The following TCIRG1 variants were observed in gnomAD, a reference collection of about 807,000 sequenced individuals.
The protein encoded by TCIRG1 is V-type proton ATPase 116 kDa subunit a 3.
TCIRG1 carries 86 observed loss-of-function variants against 95.5 expected under a neutral mutation model. That is an observed-to-expected ratio of 0.90 (90% CI 0.76 to 1.08). The LOEUF is 1.08. TCIRG1 is among the 50% of genes least tolerant of loss of function. The pLI is 0.00. For missense variants in TCIRG1, 1,069 were observed against 1,140.2 expected, an observed-to-expected ratio of 0.94 and a Z score of 0.90; for synonymous variants, 499 against 501.3, an observed-to-expected ratio of 1.00 and a Z score of 0.06.
chr11:68,051,067 A>G (rs1855780337), downstream of TCIRG1: 6 of 575,356 alleles, frequency 1.0e-5, no homozygotes, highest in South Asian at 1.2e-4. Context: ...AGATGTTTCC[A>G]GCACATTCTA....
At chr11:68,041,020 CAG>C (rs1400782929) in intron 1 of TCIRG1, among the ~76,000 whole-genome samples, 4 of 152,146 alleles carry the variant, frequency 2.6e-5, no homozygotes, top group African/African-American at 9.7e-5. Context: ...TCCCCATGGG[CAG>C]AGCAAGCCAG....
Position 68,041,263 on chromosome 11 carries a change from C to T in TCIRG1, c.-4-5C>T. ...TGACTGGCCCCCATCCGTGTCCACC[C>T]ACAGGACCATGGGCTCCATGTTCCG... On this transcript the variant is annotated splice_polypyrimidine_tract_variant and splice_region_variant and intron_variant, in intron 1 of 19. Coordinates refer to ENST00000265686, the MANE Select transcript of TCIRG1 (RefSeq NM_006019.4). 1 of 1,606,640 alleles carries T rather than the reference C, an allele frequency of 6.2e-7. No homozygotes were observed. Among genetic ancestry groups the T allele is most frequent in the South Asian group, 1.1e-5 (1 of 90,930 alleles).
rs139720520 is a variant in TCIRG1 at position 68,050,887 on chromosome 11, G to A, written c.*68G>A. 11,006 of 1,540,868 alleles carry A rather than the reference G, an allele frequency of 7.1e-3. 59 individuals carry two copies. Among genetic ancestry groups the A allele is most frequent in the Non-Finnish European group, 8.5e-3 (9,548 of 1,125,228 alleles). ...GGCAGGAGAGGAATAAAGACGGTCC[G>A]CCCTGGCAGTGATGTCTCGTCTCTC... On this transcript the variant is annotated 3_prime_UTR_variant, in exon 20 of 20. Coordinates refer to ENST00000265686, the MANE Select transcript of TCIRG1 (RefSeq NM_006019.4).
In TCIRG1 at chr11:68,050,307, C is replaced by A. The variant is rs182315666; in HGVS notation, c.2236+53C>A. On this transcript the variant is annotated intron_variant, in intron 18 of 19. Transcript: ENST00000265686. Reference sequence around the variant, plus strand: ...CCCCAGCTCCTGGCTTCTCACATACCGCTGCTGGCTGGGCGGGTTGCTTCT... The same window carrying A: ...CCCCAGCTCCTGGCTTCTCACATACAGCTGCTGGCTGGGCGGGTTGCTTCT... 15 of 1,598,510 alleles carry A rather than the reference C, an allele frequency of 9.4e-6. No individual in the cohort carries two copies. In the South Asian group the frequency reaches 1.5e-4, roughly 16 times the overall value.
In TCIRG1 at chr11:68,050,862, G is replaced by T; in HGVS notation, c.*43G>T. 6.2e-7 allele frequency: 1 copy of T among 1,600,522 alleles called. No individual in the cohort carries two copies. Among genetic ancestry groups the T allele is most frequent in the South Asian group, 1.1e-5 (1 of 90,828 alleles). Reference sequence around the variant, plus strand: ...GCCAGACCTCCTTCCTGACCTCTGAGGCAGGAGAGGAATAAAGACGGTCCG... The same window carrying T: ...GCCAGACCTCCTTCCTGACCTCTGATGCAGGAGAGGAATAAAGACGGTCCG... On this transcript the variant is annotated 3_prime_UTR_variant, in exon 20 of 20. Coordinates refer to ENST00000265686, the MANE Select transcript of TCIRG1 (RefSeq NM_006019.4).
intron 1 of TCIRG1, among the ~76,000 whole-genome samples, chr11:68,040,475 T>G (rs781694846): frequency 3.8e-4 from 58 of 152,220 alleles, no homozygotes; most frequent in Non-Finnish European, 7.2e-4. Context: ...AGGAAGTGAC[T>G]GGCTGGGCAG....
intron 9 of TCIRG1, 111 bp downstream of exon 9, chr11:68,044,455 C>T: frequency 1.2e-6 from 1 of 857,268 alleles, no homozygotes; most frequent in Non-Finnish European, 1.9e-6. Context: ...TGCCTAGGGG[C>T]TCCTTCTCCT....
chr11:68,043,908 G>T lies in TCIRG1; in HGVS notation c.807+1G>T, dbSNP rs1458295257. On this transcript the variant is annotated splice_donor_variant, in intron 8 of 19. Coordinates refer to ENST00000265686, the MANE Select transcript of TCIRG1 (RefSeq NM_006019.4). LOFTEE classifies it high-confidence loss of function. Reference sequence around the variant, plus strand: ...ACAGCAGAGCCAGGAGCTGCAGGAGGTGGGTGCCCCCGGCCTTCCGGAGGC... The same window carrying T: ...ACAGCAGAGCCAGGAGCTGCAGGAGTTGGGTGCCCCCGGCCTTCCGGAGGC... 10 of 1,548,936 alleles carry T rather than the reference G, an allele frequency of 6.5e-6. No individual in the cohort carries two copies. Among genetic ancestry groups the T allele is most frequent in the African/African-American group, 1.4e-5 (1 of 73,254 alleles).
rs1464595916 is a variant in TCIRG1, at chr11:68,047,981, T to A, written c.1554+9T>A. 2.5e-6 allele frequency: 4 copies of A among 1,611,634 alleles called. No individual in the cohort carries two copies. Among genetic ancestry groups the A allele is most frequent in the Non-Finnish European group, 3.4e-6 (4 of 1,178,298 alleles). On this transcript the variant is annotated intron_variant, in intron 13 of 19. Transcript: ENST00000265686. ...CCTTTGGCATCGATCCTGTGAGTCCTGGGATGGAGTGTCCGTGGGTGGTGA... is the reference window on the plus strand; with the variant it reads ...CCTTTGGCATCGATCCTGTGAGTCCAGGGATGGAGTGTCCGTGGGTGGTGA...
intron 18 of TCIRG1, 92 bp from the exon 19 acceptor site, chr11:68,050,395 C>T: frequency 2.5e-6 from 4 of 1,608,966 alleles, no homozygotes; most frequent in Non-Finnish European, 1.7e-6. Flanking sequence ...CGCTGGCCCC[C>T]CGTGCAGGGA....
chr11:68,050,801 C>T lies in TCIRG1; in HGVS notation c.2475C>T (p.Phe825=), dbSNP rs886048602. The change falls in exon 20 of 20, where the codon TTC becomes TTT. Residue 825 remains phenylalanine (F), a synonymous_variant. Transcript: ENST00000265686. ...GCTACAAGCTGAGTCCCTTCACCTTCGCTGCCACAGATGACTAGGGCCCAC... is the reference window on the plus strand; with the variant it reads ...GCTACAAGCTGAGTCCCTTCACCTTTGCTGCCACAGATGACTAGGGCCCAC... ...GTGYKLSPFT[F]AATDD is the part of the protein sequence containing the mutation. 15 of 1,613,498 alleles carry T rather than the reference C, an allele frequency of 9.3e-6. No homozygotes were observed. Among genetic ancestry groups the T allele is most frequent in the African/African-American group, 2.7e-5 (2 of 74,946 alleles).
Position 68,049,723 on chromosome 11 carries a change from G to T in TCIRG1, c.1948G>T (p.Gly650Cys). 6.3e-7 allele frequency: 1 copy of T among 1,590,786 alleles called. No individual in the cohort carries two copies. The highest frequency in any genetic ancestry group is 8.5e-7 in the Non-Finnish European group (1 of 1,173,926). The change falls in exon 16 of 20, where the codon GGC (glycine) becomes TGC (cysteine). Residue 650 changes from glycine to cysteine, a missense_variant. Physicochemically the swap from Gly to Cys is radical, Grantham distance 159. Transcript: ENST00000265686. Reference protein sequence around the residue: ...ALAMVPILLLGTPLHLLHRHR... With the variant: ...ALAMVPILLLCTPLHLLHRHR... ...GGCCATGGTGCCCATCCTGCTGCTT[G>T]GCACACCCCTGCACCTGCTGCACCG... is the stretch of plus-strand genomic sequence containing the variant.
intron 13 of TCIRG1, 76 bp downstream of exon 13, chr11:68,048,048 C>T (rs1382631233): frequency 2.3e-5 from 30 of 1,296,228 alleles, no homozygotes; most frequent in South Asian, 6.0e-5. Context: ...TCGGTTCAGC[C>T]GTCCTGCAGC....
chr11:68,041,194 G>A (rs1315586692), intron 1 of TCIRG1, 74 bp from the exon 2 acceptor site: 1 of 965,986 alleles, frequency 1.0e-6, no homozygotes, highest in African/African-American at 1.6e-5. Flanking sequence ...AGTGAGTGAA[G>A]GTGCACAGGT....
Position 68,043,603 on chromosome 11 carries a change from C to G in TCIRG1, c.663C>G (p.Ile221Met), listed in dbSNP as rs1329940998. Residue 221 changes from isoleucine to methionine, a missense_variant, in exon 7 of 20, where the codon ATC becomes ATG. By Grantham distance (10) the Ile-to-Met change is conservative. Transcript: ENST00000265686. ...GEPATWMTFLISYWGEQIGQK... is the reference protein window; with the variant it reads ...GEPATWMTFLMSYWGEQIGQK... ...CAGCCACGTGGATGACCTTCCTCAT[C>G]TCCTACTGGGGTGAGCAGATCGGAC... is the stretch of plus-strand genomic sequence containing the variant. The G allele has an allele frequency of 6.2e-7, 1 of 1,611,458 alleles. No homozygotes were observed. The highest frequency in any genetic ancestry group is 2.2e-5 in the East Asian group (1 of 44,840).
chr11:68,050,785 T>A lies in TCIRG1; in HGVS notation c.2459T>A (p.Leu820Gln), dbSNP rs746896827. The A allele has an allele frequency of 6.2e-7, 1 of 1,613,878 alleles. No homozygotes were observed. The highest frequency in any genetic ancestry group is 1.7e-5 in the Admixed American group (1 of 60,028). The change falls in exon 20 of 20, where the codon CTG (leucine) becomes CAG (glutamine). Residue 820 changes from leucine to glutamine, a missense_variant. By Grantham distance (113) the Leu-to-Gln change is moderately radical (BLOSUM62 -2). Coordinates refer to ENST00000265686, the MANE Select transcript of TCIRG1 (RefSeq NM_006019.4). The part of the protein sequence containing the change: ...NKFYSGTGYK[L>Q]SPFTFAATDD ...TTCTACTCAGGCACGGGCTACAAGC[T>A]GAGTCCCTTCACCTTCGCTGCCACA...
In TCIRG1 at chr11:68,041,374, G is replaced by A. The variant is rs929362651; in HGVS notation, c.103G>A (p.Val35Met). The change falls in exon 2 of 20, where the codon GTG becomes ATG. Residue 35 changes from valine to methionine, a missense_variant. Transcript: ENST00000265686. ...GAGTCGGCTGGGCGAGCTGGGCCTC[G>A]TGGAGTTCAGAGACGTGAGTTGGGT... is the stretch of plus-strand genomic sequence containing the variant. ...CVSRLGELGL[V>M]EFRDLNASVS... 8 of 1,611,974 alleles carry A rather than the reference G, an allele frequency of 5.0e-6. No individual in the cohort carries two copies. The highest frequency in any genetic ancestry group is 1.7e-4 in the Middle Eastern group (1 of 6,040).
intron 10 of TCIRG1, 93 bp downstream of exon 10, chr11:68,045,195 G>A: frequency 2.0e-6 from 3 of 1,501,682 alleles, no homozygotes; most frequent in Non-Finnish European, 1.8e-6. Flanking sequence ...TCCATCCTGG[G>A]CCTGGCCTGC....
chr11:68,041,604 C>G, intron 2 of TCIRG1, 149 bp from the exon 3 acceptor site: 1 of 757,798 alleles, frequency 1.3e-6, no homozygotes, highest in Non-Finnish European at 2.3e-6. Flanking sequence ...CTGGTCTGTG[C>G]TCTGATCTGC....
Sources: gnomAD v4.1 joint callset for allele counts (sites outside exome capture counted in the v4.1 genomes callset) on GRCh38, gnomAD v4.1.1 for gene constraint, MANE v1.5 for transcripts, NCBI Gene and HGNC (gene_info 2026-07-23, HGNC 2026-07-21) for gene names.